The following TBC1D9 variants were observed in gnomAD, a reference collection of about 807,000 sequenced individuals.
TBC1D9 encodes TBC1 domain family member 9.
TBC1D9 carries 63 observed loss-of-function variants against 132.0 expected under a neutral mutation model. That is an observed-to-expected ratio of 0.48 (90% CI 0.39 to 0.59). TBC1D9 has a LOEUF of 0.59. Among genes scored for constraint, TBC1D9 ranks in the 20% least tolerant of loss-of-function variants. The pLI is 0.00. For missense variants in TBC1D9, 1,261 were observed against 1,592.7 expected (o/e 0.79, Z 3.54); for synonymous variants, 610 against 609.9 (o/e 1.00, Z 0.00).
At chr4:140,623,874 G>A (rs1020430806) in intron 20 of TBC1D9, among the ~76,000 whole-genome samples, 1 of 152,162 alleles carries the variant, frequency 6.6e-6, no homozygotes, top group African/African-American at 2.4e-5. Context: ...GCAATAAGAT[G>A]CATTTACTCT....
At chr4:140,660,979 A>C (rs1737349613) in intron 10 of TBC1D9, among the ~76,000 whole-genome samples, 1 of 151,186 alleles carries the variant, frequency 6.6e-6, no homozygotes, top group Non-Finnish European at 1.5e-5. Context: ...CAGTGGTATG[A>C]TCTCAGCTCA....
intron 2 of TBC1D9, among the ~76,000 whole-genome samples, chr4:140,687,970 G>T (rs955549845): frequency 6.6e-6 from 1 of 152,044 alleles, no homozygotes; most frequent in Non-Finnish European, 1.5e-5. Flanking sequence ...TGTGCCTGTA[G>T]TCCAGCTACT....
chr4:140,671,804 A>G (rs1392187907), intron 6 of TBC1D9, among the ~76,000 whole-genome samples: 1 of 152,038 alleles, frequency 6.6e-6, no homozygotes, highest in Non-Finnish European at 1.5e-5. Flanking sequence ...ACTAGAAACT[A>G]GGATAAACGC....
chr4:140,665,939 C>A (rs1296872581), intron 9 of TBC1D9, among the ~76,000 whole-genome samples: 1 of 152,132 alleles, frequency 6.6e-6, no homozygotes, highest in Non-Finnish European at 1.5e-5. Flanking sequence ...CCTCCTTGGC[C>A]TCCCAAAGTG....
chr4:140,700,834 AT>A, intron 2 of TBC1D9: 1 of 152,306 alleles, frequency 6.6e-6, no homozygotes, highest in Non-Finnish European at 1.5e-5. Flanking sequence ...AAAAAAAAAA[AT>A]TAAGACTAGT....
intron 3 of TBC1D9, among the ~76,000 whole-genome samples, chr4:140,682,822 T>C (rs540374528): frequency 3.3e-5 from 5 of 152,162 alleles, no homozygotes; most frequent in African/African-American, 4.8e-5. Context: ...TAACAAACCA[T>C]AAGCAGAAGT....
intron 9 of TBC1D9, among the ~76,000 whole-genome samples, chr4:140,666,180 T>C (rs189059926): frequency 6.6e-6 from 1 of 152,306 alleles, no homozygotes; most frequent in Non-Finnish European, 1.5e-5. Flanking sequence ...GAACACAGTA[T>C]GCTATGTGAA....
chr4:140,751,730 T>C (rs570889502), intron 1 of TBC1D9, among the ~76,000 whole-genome samples: 1 of 152,188 alleles, frequency 6.6e-6, no homozygotes, highest in Non-Finnish European at 1.5e-5. Context: ...TTTAAATTTC[T>C]ACAAGTTAGT....
At position 140,642,502 on chromosome 4, in the gene TBC1D9, G is replaced by T. The variant is rs930952950; in HGVS notation, c.2338-3074C>A. 3.5e-6 allele frequency: 4 copies of T among 1,141,508 alleles called. No individual in the cohort carries two copies. In the Admixed American group the frequency reaches 7.4e-5, roughly 21 times the overall value. The allele number at this position is 1,141,508 out of a possible 1,614,324, so 70.7% of individuals were successfully genotyped here. A position where few individuals can be genotyped will look rare whatever the true frequency, so the allele number is the denominator to read the frequency against. On this transcript the variant is annotated intron_variant, in intron 13 of 20. Transcript: ENST00000442267. ...TTTTGATTTCCCCCCAGCACTGTCT[G>T]AAAACTTGAAGGGTGACTTCAACTT...
chr4:140,661,586 C>G (rs1737362121), intron 10 of TBC1D9, among the ~76,000 whole-genome samples: 4 of 152,164 alleles, frequency 2.6e-5, no homozygotes, highest in Admixed American at 2.6e-4. Context: ...TGCAGTGGTT[C>G]TCAACCCAGG....
chr4:140,754,333 G>T (rs1738970466), intron 1 of TBC1D9, among the ~76,000 whole-genome samples: 1 of 152,176 alleles, frequency 6.6e-6, no homozygotes, highest in African/African-American at 2.4e-5. Context: ...GACTACATGG[G>T]CCGGGTGAGG....
At chr4:140,693,480 T>A (rs1303864731) in intron 2 of TBC1D9, among the ~76,000 whole-genome samples, 1 of 152,232 alleles carries the variant, frequency 6.6e-6, no homozygotes, top group Non-Finnish European at 1.5e-5. Flanking sequence ...TAAATTACTT[T>A]AACCTCTTTG....
intron 13 of TBC1D9, chr4:140,642,020 G>T: frequency 3.1e-6 from 2 of 645,356 alleles, no homozygotes. Context: ...TCTCGAAGCA[G>T]CAAACAAAAC....
chr4:140,744,709 C>A (rs1738810836), intron 1 of TBC1D9, among the ~76,000 whole-genome samples: 1 of 151,838 alleles, frequency 6.6e-6, no homozygotes, highest in South Asian at 2.1e-4. Flanking sequence ...CATAGTGAAA[C>A]CCCGTCCCTA....
At position 140,755,900 on chromosome 4, in the gene TBC1D9, C is replaced by T; in HGVS notation, c.130+16G>A. ...CTCCCGGCTCCCCTCCTGCAGGGAT[C>T]GGCCACGGTCCTTACCCGCCAGTCC... On this transcript the variant is annotated intron_variant, in intron 1 of 20. Transcript: ENST00000442267. 2 of 1,532,842 alleles carry T rather than the reference C, an allele frequency of 1.3e-6. No individual in the cohort carries two copies. Among genetic ancestry groups the T allele is most frequent in the African/African-American group, 1.4e-5 (1 of 70,822 alleles). The allele number at this position is 1,532,842 out of a possible 1,614,324, so 95.0% of individuals were successfully genotyped here. A position where few individuals can be genotyped will look rare whatever the true frequency, so the allele number is the denominator to read the frequency against.
chr4:140,703,974 T>C (rs1471838554), intron 1 of TBC1D9, among the ~76,000 whole-genome samples: 1 of 152,192 alleles, frequency 6.6e-6, no homozygotes, highest in Non-Finnish European at 1.5e-5. Context: ...CACTCATAAT[T>C]GAGTGTTTGT....
At chr4:140,741,547 T>C (rs984330428) in intron 1 of TBC1D9, among the ~76,000 whole-genome samples, 5 of 152,096 alleles carry the variant, frequency 3.3e-5, no homozygotes, top group Admixed American at 1.3e-4. Flanking sequence ...TGAAACCCTG[T>C]CTGTACAAAA....
In TBC1D9 at chr4:140,679,203, G is replaced by A. The variant is rs904256882; in HGVS notation, c.590C>T (p.Ala197Val). Residue 197 changes from alanine (A) to valine (V), a missense_variant and splice_region_variant, in exon 5 of 21, where the codon GCG becomes GTG. By Grantham distance (64) the Ala-to-Val change is moderately conservative. Coordinates refer to ENST00000442267, the MANE Select transcript of TBC1D9 (RefSeq NM_015130.3). Reference sequence around the variant, plus strand: ...GTCTACCCACCGGATGACCAGTTTCGCTGAGCACAAGGAACAAGCCTGGGT... The same window carrying A: ...GTCTACCCACCGGATGACCAGTTTCACTGAGCACAAGGAACAAGCCTGGGT... Reference protein sequence around the residue: ...CFYSFLMGREAKLVIRWVDIT... With the variant: ...CFYSFLMGREVKLVIRWVDIT... 8.1e-6 allele frequency: 13 copies of A among 1,611,888 alleles called. No homozygotes were observed. Among genetic ancestry groups the A allele is most frequent in the Non-Finnish European group, 9.3e-6 (11 of 1,178,606 alleles).
At chr4:140,636,053 C>A (rs1336269952) in intron 15 of TBC1D9, among the ~76,000 whole-genome samples, 1 of 152,206 alleles carries the variant, frequency 6.6e-6, no homozygotes, top group Non-Finnish European at 1.5e-5. Flanking sequence ...TTGCTCTGAA[C>A]CTGGCCTGAA....
Sources: allele counts gnomAD v4.1 joint callset (sites outside exome capture counted in the v4.1 genomes callset), GRCh38; gene constraint gnomAD v4.1.1; transcripts MANE v1.5; gene names NCBI Gene and HGNC (gene_info 2026-07-23, HGNC 2026-07-21).